KRT79: variants seen among roughly 807,000 people sequenced by gnomAD.
The protein encoded by KRT79 is keratin 79.
In KRT79, 51 loss-of-function variants were observed where a neutral mutation model predicts 49.0. That is an observed-to-expected ratio of 1.04 (90% CI 0.83 to 1.31). The LOEUF is 1.31. Ranked by LOEUF, KRT79 falls within the 40% of genes most tolerant of loss-of-function variation. KRT79 has a pLI of 0.00. For synonymous variants in KRT79, 312 were observed against 286.6 expected, an observed-to-expected ratio of 1.09 and a Z score of -0.90; for missense variants, 728 against 688.0, an observed-to-expected ratio of 1.06 and a Z score of -0.65.
intron 1 of KRT79, among the ~76,000 whole-genome samples, chr12:52,832,581 C>A (rs1464426630): frequency 6.6e-6 from 1 of 152,028 alleles, no homozygotes; most frequent in Non-Finnish European, 1.5e-5. Context: ...GACAGTCCCA[C>A]AGGAAAACCA....
At chr12:52,829,879 A>G in intron 4 of KRT79, 144 bp downstream of exon 4, 1 of 701,650 alleles carries the variant, frequency 1.4e-6, no homozygotes, top group South Asian at 1.7e-5. Context: ...TAACACAGCG[A>G]AACTCCGTCT....
intron 4 of KRT79, among the ~76,000 whole-genome samples, chr12:52,826,398 A>C (rs1940176171): frequency 1.3e-5 from 2 of 151,724 alleles, no homozygotes; most frequent in South Asian, 4.2e-4. Context: ...CTGTAATCCC[A>C]GCTACTTGGG....
In KRT79 at chr12:52,831,869, AT is replaced by A. The variant is rs112845241; in HGVS notation, c.478-244del. Among the ~76,000 whole-genome samples, 29 of 152,312 alleles carry A rather than the reference AT, an allele frequency of 1.9e-4. 3 individuals are homozygous for A. The highest frequency in any genetic ancestry group is 6.5e-4 in the African/African-American group (27 of 41,564). ...AAAGCCCAGCTCAGTAGCAGTACCA[AT>A]TTACTAGTTGGTAACCTTGGTCGAA... is the stretch of plus-strand genomic sequence containing the variant. On this transcript the variant is annotated intron_variant, in intron 1 of 8. Transcript: ENST00000330553.
In KRT79 at chr12:52,822,192, G is replaced by A. The variant is rs770913378; in HGVS notation, c.1403-115C>T. Reference sequence around the variant, plus strand: ...TCAAGCAGCAGAGCTATGGGAAATGGATAGAGAAGCCCAGAACTAGGACCC... The same window carrying A: ...TCAAGCAGCAGAGCTATGGGAAATGAATAGAGAAGCCCAGAACTAGGACCC... On this transcript the variant is annotated intron_variant, in intron 8 of 8. Transcript: ENST00000330553. 4 of 1,315,296 alleles carry A rather than the reference G, an allele frequency of 3.0e-6. No homozygotes were observed. The African/African-American group carries it at 5.8e-5, about 19-fold the overall frequency. The allele number at this position is 1,315,296 out of a possible 1,614,324, so 81.5% of individuals were successfully genotyped here.
At chr12:52,825,009 G>A (rs1940157263) in intron 4 of KRT79, among the ~76,000 whole-genome samples, 1 of 152,200 alleles carries the variant, frequency 6.6e-6, no homozygotes, top group African/African-American at 2.4e-5. Flanking sequence ...CCTGTTTCTA[G>A]AACCATCGTC....
At position 52,824,100 on chromosome 12, in the gene KRT79, GC is replaced by G; in HGVS notation, c.1021-89del. The G allele has an allele frequency of 3.1e-6, 5 of 1,611,614 alleles. No individual in the cohort carries two copies. The South Asian group carries it at 5.5e-5, about 18-fold the overall frequency. On this transcript the variant is annotated intron_variant, in intron 5 of 8. Transcript: ENST00000330553. ...GCCCCATGCAAGTTGAGTATATCTG[GC>G]CCCCCGGACTCCAAGGGTCCCAGAG... is the stretch of plus-strand genomic sequence containing the variant.
Position 52,831,437 on chromosome 12 carries a change from C to A in KRT79, c.667G>T (p.Val223Leu), listed in dbSNP as rs201940037. ...RGRLDSELRN[V>L]QDLVEDFKNK... is the part of the protein sequence containing the mutation. ...TTGAAGTCCTCCACAAGGTCCTGCACGTTCCTGAGCTCTGAGTCCAGCCTC... is the reference window on the plus strand; with the variant it reads ...TTGAAGTCCTCCACAAGGTCCTGCAAGTTCCTGAGCTCTGAGTCCAGCCTC... The change falls in exon 2 of 9, where the codon GTG becomes TTG. Residue 223 changes from valine (V) to leucine (L), a missense_variant. Transcript: ENST00000330553. The A allele has an allele frequency of 1.2e-6, 2 of 1,614,230 alleles. No homozygotes were observed. Among genetic ancestry groups the A allele is most frequent in the East Asian group, 2.2e-5 (1 of 44,882 alleles).
chr12:52,821,614 A>ACCGGATCATC lies in KRT79; in HGVS notation c.*257_*258insGATGATCCGG. 7 of 391,608 alleles carry ACCGGATCATC rather than the reference A, an allele frequency of 1.8e-5. No individual in the cohort carries two copies. The highest frequency in any genetic ancestry group is 6.5e-5 in the South Asian group (2 of 30,846). 24.3% of individuals were successfully genotyped at this position (391,608 alleles called of 1,614,324 possible). A position where few individuals can be genotyped will look rare whatever the true frequency, so the allele number is the denominator to read the frequency against. On this transcript the variant is annotated 3_prime_UTR_variant, in exon 9 of 9. Coordinates refer to ENST00000330553, the MANE Select transcript of KRT79 (RefSeq NM_175834.3). The stretch of plus-strand genomic sequence containing the variant: ...GAAATTCAGCCTCCTCTCGGTGGTC[A>ACCGGATCATC]AAAGGTCACCCCCAAGTCACCCAAG...
rs374174567 is a variant in KRT79 at position 52,830,126 on chromosome 12, C to A, written c.760-8G>T. ...GTATGCTGCATCCACATCCTGGGGA[C>A]GAGAGAGCAAGACAGATCCTCAGGC... On this transcript the variant is annotated splice_polypyrimidine_tract_variant and splice_region_variant and intron_variant, in intron 3 of 8. Coordinates refer to ENST00000330553, the MANE Select transcript of KRT79 (RefSeq NM_175834.3). 73 of 1,613,924 alleles carry A rather than the reference C, an allele frequency of 4.5e-5. No homozygotes were observed. In the African/African-American group the frequency reaches 8.5e-4, roughly 19 times the overall value.
chr12:52,825,903 G>A (rs1940168798), intron 4 of KRT79, among the ~76,000 whole-genome samples: 1 of 152,036 alleles, frequency 6.6e-6, no homozygotes, highest in Admixed American at 6.5e-5. Flanking sequence ...GGTGGTTGTG[G>A]GGCTTAAGAT....
In KRT79 at chr12:52,822,063, A is replaced by G; in HGVS notation, c.1417T>C (p.Ser473Pro). 6.2e-7 allele frequency: 1 copy of G among 1,614,044 alleles called. No homozygotes were observed. The highest frequency in any genetic ancestry group is 1.1e-5 in the South Asian group (1 of 91,084). The change falls in exon 9 of 9, where the codon TCC (serine) becomes CCC (proline). Residue 473 changes from serine to proline, a missense_variant. Physicochemically the swap from Ser to Pro is moderately conservative, Grantham distance 74 (BLOSUM62 -1). Transcript: ENST00000330553. The stretch of plus-strand genomic sequence containing the variant: ...GCGCCACCTCCGCACACAGTGGTGG[A>G]GTTGCCAGTCACAGCTGCAAAGCAA... Reference protein sequence around the residue: ...SAVSISVTGNSTTVCGGGAAS... With the variant: ...SAVSISVTGNPTTVCGGGAAS...
intron 4 of KRT79, among the ~76,000 whole-genome samples, chr12:52,826,897 C>G (rs73106404): frequency 0.068 from 10,325 of 152,288 alleles, 488 homozygotes; most frequent in African/African-American, 0.14. Flanking sequence ...GAGGCAGCAA[C>G]AGAACAATTG....
intron 4 of KRT79, among the ~76,000 whole-genome samples, chr12:52,828,621 A>T (rs1420800917): frequency 6.6e-6 from 1 of 152,200 alleles, no homozygotes; most frequent in African/African-American, 2.4e-5. Context: ...TCAATTGCAA[A>T]ATTCAGCTAC....
chr12:52,833,884 G>T lies in KRT79; in HGVS notation c.377C>A (p.Pro126His). Reference protein sequence around the residue: ...EVTVNQSLLTPLHVEIDPEIQ... With the variant: ...EVTVNQSLLTHLHVEIDPEIQ... ...CTCGGGGTCAATCTCCACATGGAGG[G>T]GGGTCAGCAGGCTCTGGTTGACAGT... is the stretch of plus-strand genomic sequence containing the variant. Residue 126 changes from proline to histidine, a missense_variant, in exon 1 of 9, where the codon CCC becomes CAC. Pro to His is a moderately conservative substitution (Grantham distance 77, BLOSUM62 -2). Transcript: ENST00000330553. 1 of 1,613,854 alleles carries T rather than the reference G, an allele frequency of 6.2e-7. No individual in the cohort carries two copies. Among genetic ancestry groups the T allele is most frequent in the South Asian group, 1.1e-5 (1 of 91,044 alleles).
At chr12:52,829,460 C>T (rs986988196) in intron 4 of KRT79, among the ~76,000 whole-genome samples, 8 of 152,218 alleles carry the variant, frequency 5.3e-5, no homozygotes, top group Admixed American at 5.2e-4. Context: ...CCACGAGCAA[C>T]TCTGAGCCCC....
chr12:52,830,468 C>CA, intron 2 of KRT79, 176 bp from the exon 3 acceptor site: 1 of 595,506 alleles, frequency 1.7e-6, no homozygotes, highest in South Asian at 2.0e-5. Context: ...TTGATTTAAA[C>CA]ATTCTCTCTC....
Position 52,830,082 on chromosome 12 carries a change from G to A in KRT79, c.796C>T (p.His266Tyr), listed in dbSNP as rs1413173843. The change falls in exon 4 of 9, where the codon CAT becomes TAT. Residue 266 changes from histidine (H) to tyrosine (Y), a missense_variant. Transcript: ENST00000330553. ...TGGGTCAAGGTGCCCACTTTGCCAT[G>A]CAGATCCATCCGGCCCATGTATGCT... Reference protein sequence around the residue: ...DAAYMGRMDLHGKVGTLTQEI... With the variant: ...DAAYMGRMDLYGKVGTLTQEI... 1 of 1,614,150 alleles carries A rather than the reference G, an allele frequency of 6.2e-7. No individual in the cohort carries two copies. Among genetic ancestry groups the A allele is most frequent in the East Asian group, 2.2e-5 (1 of 44,872 alleles).
At chr12:52,828,039 A>T (rs980479040) in intron 4 of KRT79, among the ~76,000 whole-genome samples, 1 of 152,104 alleles carries the variant, frequency 6.6e-6, no homozygotes, top group Admixed American at 6.6e-5. Flanking sequence ...AATGGGAGAG[A>T]TTTGGAATTT....
At chr12:52,822,280 A>AT in intron 8 of KRT79, 65 bp downstream of exon 8, 1 of 1,540,914 alleles carries the variant, frequency 6.5e-7, no homozygotes, top group Non-Finnish European at 8.9e-7. Context: ...TACAGGTTGC[A>AT]TAAACTGAGC....
Sources: gnomAD v4.1 joint callset for allele counts (sites outside exome capture counted in the v4.1 genomes callset) on GRCh38, gnomAD v4.1.1 for gene constraint, MANE v1.5 for transcripts, NCBI Gene and HGNC (gene_info 2026-07-23, HGNC 2026-07-21) for gene names.